The following MTUS2 variants were observed in gnomAD, a reference collection of about 807,000 sequenced individuals.
MTUS2 encodes microtubule-associated tumor suppressor candidate 2.
MTUS2 carries 40 observed loss-of-function variants against 114.1 expected under a neutral mutation model. That is an observed-to-expected ratio of 0.35 (90% confidence interval 0.27 to 0.46). MTUS2 has a LOEUF of 0.46. Among genes scored for constraint, MTUS2 ranks in the 20% least tolerant of loss-of-function variants. MTUS2 has a pLI of 1.00. For synonymous variants in MTUS2, 688 were observed against 672.0 expected (o/e 1.02, Z -0.37); for missense variants, 1,679 against 1,705.4 (o/e 0.98, Z 0.27).
intron 5 of MTUS2, among the ~76,000 whole-genome samples, chr13:29,134,742 C>A (rs1281366482): frequency 1.3e-5 from 2 of 152,164 alleles, no homozygotes; most frequent in Non-Finnish European, 2.9e-5. Context: ...GGATTACAGG[C>A]ATCCGCCACA....
chr13:29,156,816 A>AT (rs1308690781), intron 5 of MTUS2, among the ~76,000 whole-genome samples: 4 of 151,830 alleles, frequency 2.6e-5, no homozygotes, highest in Non-Finnish European at 4.4e-5. Flanking sequence ...ATGAATATGA[A>AT]TTTTTCCCGC....
At chr13:29,274,906 T>A (rs188429669) in intron 5 of MTUS2, among the ~76,000 whole-genome samples, 25 of 152,238 alleles carry the variant, frequency 1.6e-4, no homozygotes, top group South Asian at 6.2e-4. Flanking sequence ...AATTTTTTTT[T>A]AAATTTTTTG....
At chr13:29,493,148 G>A (rs1466937341) in intron 12 of MTUS2, among the ~76,000 whole-genome samples, 1 of 152,164 alleles carries the variant, frequency 6.6e-6, no homozygotes, top group Non-Finnish European at 1.5e-5. Context: ...TATAAAAGGG[G>A]CTGCAGTTAC....
At chr13:29,314,664 A>T (rs904006155) in intron 6 of MTUS2, among the ~76,000 whole-genome samples, 2 of 152,222 alleles carry the variant, frequency 1.3e-5, no homozygotes, top group Non-Finnish European at 2.9e-5. Flanking sequence ...TGTGGAAGTG[A>T]TGAGTATGAA....
chr13:29,067,284 C>G (rs987297809), intron 4 of MTUS2, among the ~76,000 whole-genome samples: 6 of 152,026 alleles, frequency 3.9e-5, no homozygotes, highest in African/African-American at 1.4e-4. Flanking sequence ...AAGAAGGAAA[C>G]TTTCCATCCA....
At chr13:29,171,245 C>A (rs1276317715) in intron 5 of MTUS2, among the ~76,000 whole-genome samples, 1 of 152,042 alleles carries the variant, frequency 6.6e-6, no homozygotes, top group Non-Finnish European at 1.5e-5. Flanking sequence ...TGTTCAGGTT[C>A]TAGTGAAAAT....
chr13:29,142,147 A>G (rs1593522225), intron 5 of MTUS2, among the ~76,000 whole-genome samples: 1 of 151,976 alleles, frequency 6.6e-6, no homozygotes, highest in East Asian at 1.9e-4. Flanking sequence ...TAATTTTTTT[A>G]AGTATTATTA....
intron 4 of MTUS2, among the ~76,000 whole-genome samples, chr13:29,093,269 C>A (rs1433267033): frequency 1.3e-5 from 2 of 152,022 alleles, no homozygotes; most frequent in African/African-American, 4.8e-5. Context: ...ATGGTGAAAC[C>A]CCATCTCTAC....
At chr13:29,317,179 C>A (rs1450969588) in intron 6 of MTUS2, among the ~76,000 whole-genome samples, 1 of 152,164 alleles carries the variant, frequency 6.6e-6, no homozygotes, top group African/African-American at 2.4e-5. Flanking sequence ...CCTATTCTCC[C>A]TTAAATTCCT....
chr13:29,209,824 A>G (rs1302492687), intron 5 of MTUS2, among the ~76,000 whole-genome samples: 3 of 152,190 alleles, frequency 2.0e-5, no homozygotes, highest in South Asian at 2.1e-4. Flanking sequence ...GTATTCCTCT[A>G]TAAGTTACTT....
At chr13:29,158,358 CTTTTTTTT>C (rs372666382) in intron 5 of MTUS2, among the ~76,000 whole-genome samples, 7 of 32,048 alleles carry the variant, frequency 2.2e-4, no homozygotes, top group Admixed American at 4.2e-4. Flanking sequence ...GTCCACCCCG[CTTTTTTTT>C]TTTTTTTTTT....
rs9551593 is a variant in MTUS2 at position 29,049,348 on chromosome 13, C to T, written c.2446+15223C>T. On this transcript the variant is annotated intron_variant, in intron 4 of 15. Transcript: ENST00000612955. ...GGCTCCCATGAGGCCCTTAGGATAG[C>T]GGGGGGCTGTAGAGCTTAGGGAGGC... Among the ~76,000 whole-genome samples the T allele has an allele frequency of 1.4e-3, 218 of 152,222 alleles. 1 individual carries two copies. The East Asian group carries it at 0.038, about 26-fold the overall frequency.
At chr13:28,970,295 T>G (rs1883794232) in intron 2 of MTUS2, among the ~76,000 whole-genome samples, 1 of 152,250 alleles carries the variant, frequency 6.6e-6, no homozygotes, top group African/African-American at 2.4e-5. Flanking sequence ...ATATAAATTT[T>G]TTATATTGTA....
chr13:29,294,970 A>G (rs2139588078), intron 6 of MTUS2, among the ~76,000 whole-genome samples: 1 of 152,318 alleles, frequency 6.6e-6, no homozygotes, highest in South Asian at 2.1e-4. Flanking sequence ...GGAAATGTGC[A>G]GGGTTTAAGC....
chr13:28,823,134 C>G (rs1455581783), intron 1 of MTUS2, among the ~76,000 whole-genome samples: 2 of 152,236 alleles, frequency 1.3e-5, no homozygotes, highest in Non-Finnish European at 2.9e-5. Flanking sequence ...TTGAAAGATG[C>G]TTCATTAATA....
At position 29,342,473 on chromosome 13, in the gene MTUS2, G is replaced by A. The variant is rs564538724; in HGVS notation, c.2906-16789G>A. 3.3e-5 allele frequency among the ~76,000 whole-genome samples: 5 copies of A among 152,178 alleles called. No homozygotes were observed. In the East Asian group the frequency reaches 7.8e-4, roughly 24 times the overall value. ...GATTGTCAGTTTGGTTGCTGTTGTTGTATAGCAGTGCTACTGATTTGTGTA... is the reference window on the plus strand; with the variant it reads ...GATTGTCAGTTTGGTTGCTGTTGTTATATAGCAGTGCTACTGATTTGTGTA... On this transcript the variant is annotated intron_variant, in intron 7 of 15. Coordinates refer to ENST00000612955, the MANE Select transcript of MTUS2 (RefSeq NM_001033602.4).
At chr13:29,434,137 A>C (rs1330396850) in intron 8 of MTUS2, among the ~76,000 whole-genome samples, 2 of 152,148 alleles carry the variant, frequency 1.3e-5, no homozygotes, top group African/African-American at 4.8e-5. Context: ...TTTAAAAAAA[A>C]TCAGGTGGGG....
chr13:29,410,189 G>A (rs1476980288), intron 8 of MTUS2, among the ~76,000 whole-genome samples: 5 of 151,168 alleles, frequency 3.3e-5, no homozygotes, highest in Admixed American at 6.6e-5. Context: ...CAATGGCACC[G>A]TCTCAGCTCA....
intron 15 of MTUS2, among the ~76,000 whole-genome samples, chr13:29,501,628 G>A (rs1044500195): frequency 6.6e-5 from 10 of 152,310 alleles, no homozygotes; most frequent in African/African-American, 2.2e-4. Flanking sequence ...AAGGAAGGGT[G>A]TTCAGGCTCC....
Sources: gnomAD v4.1 joint callset for allele counts (sites outside exome capture counted in the v4.1 genomes callset) on GRCh38, gnomAD v4.1.1 for gene constraint, MANE v1.5 for transcripts, NCBI Gene and HGNC (gene_info 2026-07-23, HGNC 2026-07-21) for gene names.